Variants in EPHA3 observed in about 807,000 individuals in gnomAD.
The protein encoded by EPHA3 is EPH receptor A3.
A neutral mutation model predicts 107.1 loss-of-function variants in EPHA3; 42 were observed. The observed-to-expected ratio is 0.39, with a 90% confidence interval of 0.31 to 0.51. The LOEUF (loss-of-function observed/expected upper bound fraction) is 0.51, where lower values mean the gene tolerates loss of function less well. Ranked by LOEUF, EPHA3 falls within the 20% of genes least tolerant of loss-of-function variation. EPHA3 has a pLI of 0.78. For missense variants in EPHA3, 1,183 were observed against 1,211.2 expected, an observed-to-expected ratio of 0.98 and a Z score of 0.35; for synonymous variants, 461 against 424.8, an observed-to-expected ratio of 1.09 and a Z score of -1.05.
chr3:89,125,614 T>C (rs1704076453), intron 1 of EPHA3, among the ~76,000 whole-genome samples: 1 of 151,742 alleles, frequency 6.6e-6, no homozygotes, highest in African/African-American at 2.4e-5. Flanking sequence ...TCTGTTTTAA[T>C]TTAAATACAA....
intron 3 of EPHA3, among the ~76,000 whole-genome samples, chr3:89,262,136 A>G (rs1317556020): frequency 3.3e-5 from 5 of 152,224 alleles, no homozygotes; most frequent in Admixed American, 2.6e-4. Flanking sequence ...TACATGGCCT[A>G]TGTAATATCA....
At chr3:89,448,853 T>A (rs1222761156) in intron 13 of EPHA3, among the ~76,000 whole-genome samples, 4 of 152,142 alleles carry the variant, frequency 2.6e-5, no homozygotes, top group Non-Finnish European at 5.9e-5. Context: ...CTAGGTTAAA[T>A]CAATAAAAGT....
intron 2 of EPHA3, among the ~76,000 whole-genome samples, chr3:89,176,981 TCA>T (rs757911338): frequency 5.3e-5 from 8 of 150,420 alleles, no homozygotes; most frequent in Middle Eastern, 6.8e-3. Flanking sequence ...GACACATATC[TCA>T]CACACACACA....
chr3:89,268,123 T>A (rs1576277787), intron 3 of EPHA3, among the ~76,000 whole-genome samples: 2 of 152,250 alleles, frequency 1.3e-5, no homozygotes, highest in Non-Finnish European at 2.9e-5. Flanking sequence ...TTGTGGTAGG[T>A]TGATGTAACT....
chr3:89,120,339 C>T (rs985176271), intron 1 of EPHA3, among the ~76,000 whole-genome samples: 3 of 152,054 alleles, frequency 2.0e-5, no homozygotes, highest in African/African-American at 4.8e-5. Context: ...ACATTTTACT[C>T]GTCTGAATGA....
intron 5 of EPHA3, among the ~76,000 whole-genome samples, chr3:89,368,339 G>A (rs1467176203): frequency 1.3e-5 from 2 of 150,338 alleles, no homozygotes; most frequent in Non-Finnish European, 3.0e-5. Flanking sequence ...ATTAGTTAGG[G>A]CACTCCAGAA....
At chr3:89,132,759 C>T (rs1704233062) in intron 2 of EPHA3, among the ~76,000 whole-genome samples, 1 of 152,112 alleles carries the variant, frequency 6.6e-6, no homozygotes, top group South Asian at 2.1e-4. Context: ...GAGTGGTGGC[C>T]TTCACCTGTA....
At position 89,481,162 on chromosome 3, in the gene EPHA3, C is replaced by G. The variant is rs908439835; in HGVS notation, c.*1660C>G. 22 of 232,046 alleles carry G rather than the reference C, an allele frequency of 9.5e-5. No individual in the cohort carries two copies. The allele number at this position is 232,046 out of a possible 1,614,324, so 14.4% of individuals were successfully genotyped here. On this transcript the variant is annotated 3_prime_UTR_variant, in exon 17 of 17. Coordinates refer to ENST00000336596, the MANE Select transcript of EPHA3 (RefSeq NM_005233.6). ...ATGCTGCAAACTTAATGTTCTTATG[C>G]AAAATGGAACGCTAATGAAACACAG...
At chr3:89,374,945 A>G (rs1258965725) in intron 5 of EPHA3, among the ~76,000 whole-genome samples, 1 of 151,866 alleles carries the variant, frequency 6.6e-6, no homozygotes, top group Non-Finnish European at 1.5e-5. Flanking sequence ...ATTCCACTAT[A>G]GCAACTGTAG....
intron 3 of EPHA3, among the ~76,000 whole-genome samples, chr3:89,274,634 T>C (rs1437841162): frequency 5.9e-5 from 9 of 152,038 alleles, no homozygotes; most frequent in African/African-American, 1.9e-4. Context: ...AAATGACTTA[T>C]CTAGAAGTGA....
intron 1 of EPHA3, among the ~76,000 whole-genome samples, chr3:89,114,204 T>G (rs1164472346): frequency 6.6e-6 from 1 of 152,202 alleles, no homozygotes; most frequent in Non-Finnish European, 1.5e-5. Flanking sequence ...CGCCTTACAC[T>G]TTCCACATTT....
At chr3:89,268,059 A>G (rs1183533300) in intron 3 of EPHA3, among the ~76,000 whole-genome samples, 11 of 152,138 alleles carry the variant, frequency 7.2e-5, no homozygotes, top group Non-Finnish European at 1.5e-5. Flanking sequence ...GCAGTTCCTA[A>G]TAGCTAGGAT....
At chr3:89,455,649 A>G (rs1296139504) in intron 15 of EPHA3, among the ~76,000 whole-genome samples, 1 of 152,214 alleles carries the variant, frequency 6.6e-6, no homozygotes, top group African/African-American at 2.4e-5. Flanking sequence ...ACCTTCATCT[A>G]AACAATACTC....
At chr3:89,236,436 T>C (rs1382335343) in intron 3 of EPHA3, among the ~76,000 whole-genome samples, 1 of 152,042 alleles carries the variant, frequency 6.6e-6, no homozygotes, top group Non-Finnish European at 1.5e-5. Flanking sequence ...TTTAGCAATA[T>C]AGTATTAAGT....
chr3:89,410,757 C>T (rs1258141608), intron 9 of EPHA3, among the ~76,000 whole-genome samples: 1 of 151,880 alleles, frequency 6.6e-6, no homozygotes. Context: ...TGGTTACTTA[C>T]TTTTACAATT....
chr3:89,428,724 C>T (rs948535810), intron 11 of EPHA3, among the ~76,000 whole-genome samples: 9 of 151,902 alleles, frequency 5.9e-5, no homozygotes, highest in Middle Eastern at 3.2e-3. Flanking sequence ...TATAAATACC[C>T]ATAGAAAGAA....
intron 13 of EPHA3, among the ~76,000 whole-genome samples, chr3:89,435,340 C>T (rs1709646196): frequency 6.6e-6 from 1 of 150,982 alleles, no homozygotes; most frequent in Non-Finnish European, 1.5e-5. Context: ...TGGCTCACGC[C>T]TATAATCTTG....
intron 2 of EPHA3, among the ~76,000 whole-genome samples, chr3:89,134,445 C>T (rs1241912906): frequency 1.3e-5 from 2 of 152,008 alleles, no homozygotes; most frequent in African/African-American, 2.4e-5. Flanking sequence ...TCAGTTCCCA[C>T]CTATGAGTGA....
rs760263242 is a variant in EPHA3 at position 89,342,072 on chromosome 3, A to G, written c.1288A>G (p.Ile430Val). The change falls in exon 5 of 17, where the codon ATC becomes GTC. Residue 430 changes from isoleucine (I) to valine (V), a missense_variant. Coordinates refer to ENST00000336596, the MANE Select transcript of EPHA3 (RefSeq NM_005233.6). ...ACCAAGACAGTTTGCTGCGGTCAGC[A>G]TCACAACTAATCAGGCTGGTGAGTA... ...SPPRQFAAVSITTNQAAPSPV... is the reference protein window; with the variant it reads ...SPPRQFAAVSVTTNQAAPSPV... 1.3e-5 allele frequency: 21 copies of G among 1,610,070 alleles called. No homozygotes were observed. The highest frequency in any genetic ancestry group is 3.4e-6 in the Non-Finnish European group (4 of 1,179,064).
Sources: allele counts gnomAD v4.1 joint callset (sites outside exome capture counted in the v4.1 genomes callset), GRCh38; gene constraint gnomAD v4.1.1; transcripts MANE v1.5; gene names NCBI Gene and HGNC (gene_info 2026-07-23, HGNC 2026-07-21).